ATF2: variants seen among roughly 807,000 people sequenced by gnomAD.
ATF2 encodes activating transcription factor 2, also known as cyclic AMP-dependent transcription factor ATF-2.
In ATF2, 24 loss-of-function variants were observed where a neutral mutation model predicts 60.6. The ratio of observed to expected loss-of-function variants is 0.40; its 90% CI spans 0.29 to 0.56. The LOEUF is 0.56. ATF2 is among the 20% of genes least tolerant of loss of function. The pLI is 0.54. For synonymous variants in ATF2, 206 were observed against 215.4 expected (o/e 0.96, Z 0.38); for missense variants, 433 against 607.7 (o/e 0.71, Z 3.02).
chr2:175,131,857 A>C (rs1376748534), intron 3 of ATF2, among the ~76,000 whole-genome samples: 14 of 152,234 alleles, frequency 9.2e-5, no homozygotes, highest in Admixed American at 9.2e-4. Context: ...TGACCACATC[A>C]GAAATTAAAA....
intron 1 of ATF2, among the ~76,000 whole-genome samples, chr2:175,165,459 A>C (rs918948826): frequency 8.1e-4 from 124 of 152,266 alleles, no homozygotes; most frequent in Non-Finnish European, 1.3e-3. Flanking sequence ...TTTACCAGAC[A>C]AGAACGTATG....
intron 2 of ATF2, among the ~76,000 whole-genome samples, chr2:175,138,674 T>C (rs1461549832): frequency 1.3e-5 from 2 of 152,234 alleles, no homozygotes; most frequent in East Asian, 3.8e-4. Flanking sequence ...AATGAATGTT[T>C]GCCTCCTTTG....
At position 175,136,787 on chromosome 2, in the gene ATF2, C is replaced by A. The variant is rs1425497017; in HGVS notation, c.-43-301G>T. ...CATTAAAAGAGTAAAAAAATCCTTA[C>A]TTTGAACACTGATGAGAATGATGCA... On this transcript the variant is annotated intron_variant, in intron 2 of 13. Transcript: ENST00000264110. 3.9e-5 allele frequency among the ~76,000 whole-genome samples: 6 copies of A among 152,156 alleles called. 1 individual carries two copies. In the East Asian group the frequency reaches 1.2e-3, roughly 29 times the overall value.
Position 175,074,380 on chromosome 2 carries a change from A to C in ATF2, c.*229T>G, listed in dbSNP as rs1693133675. On this transcript the variant is annotated 3_prime_UTR_variant, in exon 14 of 14. Transcript: ENST00000264110. ...CACATTGAGCACAGAAAAATTAATAAATCTAATAATATTTATAAAAAAAGC... is the reference window on the plus strand; with the variant it reads ...CACATTGAGCACAGAAAAATTAATACATCTAATAATATTTATAAAAAAAGC... 2 of 327,624 alleles carry C rather than the reference A, an allele frequency of 6.1e-6. No homozygotes were observed. The highest frequency in any genetic ancestry group is 4.3e-5 in the African/African-American group (2 of 46,528). 20.3% of individuals were successfully genotyped at this position (327,624 alleles called of 1,614,324 possible). A position where few individuals can be genotyped will look rare whatever the true frequency, so the allele number is the denominator to read the frequency against.
chr2:175,128,064 G>T (rs1697465772), intron 4 of ATF2, among the ~76,000 whole-genome samples: 1 of 152,094 alleles, frequency 6.6e-6, no homozygotes, highest in South Asian at 2.1e-4. Context: ...GTGATGAATG[G>T]AACAGAATAT....
intron 1 of ATF2, among the ~76,000 whole-genome samples, chr2:175,163,593 T>C (rs151255909): frequency 9.9e-4 from 151 of 152,184 alleles, no homozygotes; most frequent in African/African-American, 3.5e-3. Flanking sequence ...TGTTTACATC[T>C]CTTCTTTACT....
chr2:175,112,296 CCCT>C (rs1696251376), intron 9 of ATF2, among the ~76,000 whole-genome samples: 1 of 152,038 alleles, frequency 6.6e-6, no homozygotes, highest in African/African-American at 2.4e-5. Flanking sequence ...AAGAATGTTT[CCCT>C]CCTCAAAAAA....
rs59907964 is a variant in ATF2 at position 175,154,234 on chromosome 2, A to AAAAAT, written c.-142-3077_-142-3076insATTTT. Among the ~76,000 whole-genome samples, 212 of 131,650 alleles carry AAAAAT rather than the reference A, an allele frequency of 1.6e-3. 1 individual carries two copies. Among genetic ancestry groups the AAAAAT allele is most frequent in the African/African-American group, 5.5e-3 (197 of 35,826 alleles). 86.4% of individuals were successfully genotyped at this position (131,650 alleles called of 152,430 possible). The stretch of plus-strand genomic sequence containing the variant: ...CATCTCAAAAAGAAAAGAAAAAAAA[A>AAAAAT]ATATATATATATATATATTTTTTAC... On this transcript the variant is annotated intron_variant, in intron 1 of 13. Coordinates refer to ENST00000264110, the MANE Select transcript of ATF2 (RefSeq NM_001880.4).
intron 5 of ATF2, 37 bp downstream of exon 5, chr2:175,121,407 A>C (rs779310671): frequency 8.5e-6 from 12 of 1,407,036 alleles, no homozygotes; most frequent in Non-Finnish European, 9.7e-6. Flanking sequence ...TCCAGGTGAA[A>C]TATGTATACA....
At chr2:175,084,605 G>A (rs190715561) in intron 12 of ATF2, among the ~76,000 whole-genome samples, 4 of 148,296 alleles carry the variant, frequency 2.7e-5, no homozygotes, top group Non-Finnish European at 3.0e-5. Context: ...GTAACTAACC[G>A]GCACATTGTG....
In ATF2 at chr2:175,117,365, G is replaced by C. The variant is rs565643956; in HGVS notation, c.447+625C>G. Among the ~76,000 whole-genome samples the C allele has an allele frequency of 2.6e-5, 4 of 152,102 alleles. No individual in the cohort carries two copies. In the South Asian group the frequency reaches 6.2e-4, roughly 24 times the overall value. ...GGTTTTAGAATAACAATCTAAAAAAGAATATTGCCACTGCCTCTTTATGTG... is the reference window on the plus strand; with the variant it reads ...GGTTTTAGAATAACAATCTAAAAAACAATATTGCCACTGCCTCTTTATGTG... On this transcript the variant is annotated intron_variant, in intron 7 of 13. Coordinates refer to ENST00000264110, the MANE Select transcript of ATF2 (RefSeq NM_001880.4).
In ATF2 at chr2:175,115,414, A is replaced by C. The variant is rs192454160; in HGVS notation, c.448-546T>G. 2.0e-4 allele frequency among the ~76,000 whole-genome samples: 31 copies of C among 152,312 alleles called. No individual in the cohort carries two copies. In the East Asian group the frequency reaches 3.5e-3, roughly 17 times the overall value. On this transcript the variant is annotated intron_variant, in intron 7 of 13. Coordinates refer to ENST00000264110, the MANE Select transcript of ATF2 (RefSeq NM_001880.4). ...CATATCAAAAGGCCACGTAATACTGATATCTTGAATGTAAAATAAATAATT... is the reference window on the plus strand; with the variant it reads ...CATATCAAAAGGCCACGTAATACTGCTATCTTGAATGTAAAATAAATAATT...
intron 1 of ATF2, among the ~76,000 whole-genome samples, chr2:175,163,156 T>C (rs970297852): frequency 1.1e-3 from 31 of 28,314 alleles, no homozygotes; most frequent in African/African-American, 1.6e-3. Context: ...AATAAATAAA[T>C]AAATAAATAA....
chr2:175,135,957 A>G (rs533513848), intron 3 of ATF2, among the ~76,000 whole-genome samples: 7 of 152,234 alleles, frequency 4.6e-5, no homozygotes, highest in African/African-American at 1.4e-4. Flanking sequence ...ACTAAAGAAA[A>G]AAAGGTGTGG....
intron 2 of ATF2, among the ~76,000 whole-genome samples, chr2:175,138,020 G>A (rs1698254744): frequency 6.6e-6 from 1 of 152,116 alleles, no homozygotes; most frequent in African/African-American, 2.4e-5. Context: ...ACAGAAGCCT[G>A]GAAGGGAGGT....
intron 9 of ATF2, 26 bp from the exon 10 acceptor site, chr2:175,111,680 T>C: frequency 1.9e-6 from 3 of 1,579,364 alleles, no homozygotes; most frequent in Middle Eastern, 1.7e-4. Context: ...GGAAAAATAA[T>C]TGCTAGAGAA....
chr2:175,076,029 C>T (rs1396452967), intron 13 of ATF2, among the ~76,000 whole-genome samples: 1 of 151,996 alleles, frequency 6.6e-6, no homozygotes, highest in Non-Finnish European at 1.5e-5. Context: ...TGGCCAGATG[C>T]CCATTCTGAA....
At chr2:175,106,031 T>G (rs1352395822) in intron 10 of ATF2, among the ~76,000 whole-genome samples, 1 of 152,116 alleles carries the variant, frequency 6.6e-6, no homozygotes, top group East Asian at 1.9e-4. Flanking sequence ...ATAGATAATC[T>G]AAGCTTCTAC....
chr2:175,137,347 CGAG>C (rs1348267986), intron 2 of ATF2, among the ~76,000 whole-genome samples: 2 of 151,920 alleles, frequency 1.3e-5, no homozygotes, highest in African/African-American at 4.8e-5. Context: ...ATGCTGTCTG[CGAG>C]GAGAGGAAAA....
Sources: allele counts gnomAD v4.1 joint callset (sites outside exome capture counted in the v4.1 genomes callset), GRCh38; gene constraint gnomAD v4.1.1; transcripts MANE v1.5; gene names NCBI Gene and HGNC (gene_info 2026-07-23, HGNC 2026-07-21).